Variants in PPFIA1 observed in about 807,000 individuals in gnomAD.
The protein encoded by PPFIA1 is liprin-alpha-1.
Under a neutral mutation model 149.9 loss-of-function variants are expected in PPFIA1, and 25 were observed. The ratio of observed to expected loss-of-function variants is 0.17; its 90% CI spans 0.12 to 0.23. The LOEUF (loss-of-function observed/expected upper bound fraction) is 0.23. Ranked by LOEUF, PPFIA1 falls within the 10% of genes least tolerant of loss-of-function variation. The pLI, the probability that PPFIA1 is intolerant of heterozygous loss-of-function variation, is 1.00. For synonymous variants in PPFIA1, 549 were observed against 552.8 expected (o/e 0.99, Z 0.10); for missense variants, 1,362 against 1,506.5 (o/e 0.90, Z 1.59).
intron 16 of PPFIA1, among the ~76,000 whole-genome samples, chr11:70,353,601 C>CA (rs1213682534): frequency 6.6e-6 from 1 of 151,868 alleles, no homozygotes; most frequent in East Asian, 1.9e-4. Flanking sequence ...ACTGCAAAAA[C>CA]AAAAAAACCC....
intron 24 of PPFIA1, chr11:70,375,361 C>T (rs1315513194): frequency 2.1e-5 from 6 of 288,558 alleles, no homozygotes; most frequent in African/African-American, 1.3e-4. Context: ...TTAGTTCTTA[C>T]ATGGAAAGAG....
chr11:70,368,457 G>A (rs1344104904), intron 21 of PPFIA1, among the ~76,000 whole-genome samples: 1 of 152,126 alleles, frequency 6.6e-6, no homozygotes, highest in Non-Finnish European at 1.5e-5. Context: ...ATACCATAAG[G>A]TAGCTATGAC....
rs550470172 is a variant in PPFIA1, at chr11:70,278,229, G to A, written c.264+5793G>A. ...TGGCCTTTTTTTTTTTAAATGTGAT[G>A]TTTCACCATGTTTGCCAGGCTGGGG... On this transcript the variant is annotated intron_variant, in intron 2 of 27. Transcript: ENST00000253925. Among the ~76,000 whole-genome samples, 8 of 151,632 alleles carry A rather than the reference G, an allele frequency of 5.3e-5. No homozygotes were observed. The South Asian group carries it at 1.7e-3, about 32-fold the overall frequency.
At chr11:70,272,976 G>C (rs1396628931) in intron 2 of PPFIA1, among the ~76,000 whole-genome samples, 1 of 152,226 alleles carries the variant, frequency 6.6e-6, no homozygotes, top group Non-Finnish European at 1.5e-5. Context: ...TTCCTTGGCA[G>C]ATGAGAATTT....
intron 23 of PPFIA1, 43 bp downstream of exon 23, chr11:70,372,617 C>G (rs2057320647): frequency 2.0e-6 from 3 of 1,513,582 alleles, no homozygotes; most frequent in Non-Finnish European, 1.8e-6. Flanking sequence ...CTCCTACTTG[C>G]TGGTGTGTTT....
intron 2 of PPFIA1, among the ~76,000 whole-genome samples, chr11:70,288,398 G>A (rs920168647): frequency 2.6e-5 from 4 of 152,050 alleles, no homozygotes; most frequent in Admixed American, 1.3e-4. Context: ...TCCCTTCGAG[G>A]CTCACAATTC....
chr11:70,378,273 A>G, intron 26 of PPFIA1, 78 bp downstream of exon 26: 1 of 1,517,250 alleles, frequency 6.6e-7, no homozygotes, highest in Non-Finnish European at 8.9e-7. Flanking sequence ...ATAATGATCT[A>G]AAACGGCCTA....
chr11:70,374,915 C>T lies in PPFIA1; in HGVS notation c.3140-3C>T. On this transcript the variant is annotated splice_region_variant and splice_polypyrimidine_tract_variant and intron_variant, in intron 23 of 27. Transcript: ENST00000253925. ...TTTTATAATTGTCTTTATTCTTTTG[C>T]AGACGTGCTTGTTTGGAGCAATGAT... 1 of 1,610,182 alleles carries T rather than the reference C, an allele frequency of 6.2e-7. No homozygotes were observed.
Position 70,277,063 on chromosome 11 carries a change from T to A in PPFIA1, c.264+4627T>A, listed in dbSNP as rs1443519387. Among the ~76,000 whole-genome samples, 14 of 131,230 alleles carry A rather than the reference T, an allele frequency of 1.1e-4. No homozygotes were observed. The South Asian group carries it at 1.7e-3, about 16-fold the overall frequency. 86.1% of individuals were successfully genotyped at this position (131,230 alleles called of 152,430 possible). On this transcript the variant is annotated intron_variant, in intron 2 of 27. Transcript: ENST00000253925. ...ATATATATATATATATATATATATT[T>A]TTTTTTTTCCAGGCACAGTCTCATT... is the stretch of plus-strand genomic sequence containing the variant.
chr11:70,343,585 G>T (rs1565422302), intron 14 of PPFIA1, 84 bp from the exon 15 acceptor site: 1 of 1,264,192 alleles, frequency 7.9e-7, no homozygotes, highest in Middle Eastern at 1.9e-4. Flanking sequence ...TTTCATTAAA[G>T]AATTCCTAAA....
At chr11:70,367,249 C>T (rs1262896523) in intron 21 of PPFIA1, among the ~76,000 whole-genome samples, 1 of 152,212 alleles carries the variant, frequency 6.6e-6, no homozygotes, top group Non-Finnish European at 1.5e-5. Context: ...TCCCTCCTTC[C>T]TGTCTTCCAG....
chr11:70,285,730 C>T (rs1038702776), intron 2 of PPFIA1, among the ~76,000 whole-genome samples: 1 of 149,774 alleles, frequency 6.7e-6, no homozygotes, highest in Non-Finnish European at 1.5e-5. Context: ...AGGCACAGAA[C>T]AATGTGTACT....
intron 26 of PPFIA1, among the ~76,000 whole-genome samples, 162 bp from the exon 27 acceptor site, chr11:70,381,926 A>ATC (rs10635017): frequency 0.18 from 27,028 of 151,618 alleles, 3,160 homozygotes; most frequent in African/African-American, 0.32. Context: ...TGACACTTGG[A>ATC]TCTCTCTGGC....
At chr11:70,271,153 C>T (rs2050053066) in intron 1 of PPFIA1, 1 of 151,976 alleles carries the variant, frequency 6.6e-6, no homozygotes, top group African/African-American at 2.4e-5. Context: ...GCCCCGTGAC[C>T]CGGGCGCTGG....
chr11:70,286,968 T>A (rs184601528), intron 2 of PPFIA1, among the ~76,000 whole-genome samples: 1 of 143,084 alleles, frequency 7.0e-6, no homozygotes, highest in Non-Finnish European at 1.5e-5. Flanking sequence ...TATATACATA[T>A]ACACATATAT....
chr11:70,300,433 G>T (rs1442611773), intron 2 of PPFIA1, among the ~76,000 whole-genome samples: 1 of 151,916 alleles, frequency 6.6e-6, no homozygotes, highest in Non-Finnish European at 1.5e-5. Flanking sequence ...ACAGTGGCCC[G>T]ATCTGGGCTC....
chr11:70,314,673 G>A (rs1377138335), intron 2 of PPFIA1, among the ~76,000 whole-genome samples: 6 of 152,050 alleles, frequency 3.9e-5, no homozygotes, highest in South Asian at 4.2e-4. Context: ...ATGGAAATGC[G>A]GTTCTGTACT....
chr11:70,315,435 T>C (rs1279672833), intron 2 of PPFIA1, among the ~76,000 whole-genome samples: 1 of 152,192 alleles, frequency 6.6e-6, no homozygotes, highest in East Asian at 1.9e-4. Flanking sequence ...AGCATACTTT[T>C]AATCGTGGCA....
intron 4 of PPFIA1, 126 bp downstream of exon 4, chr11:70,325,137 CAG>C: frequency 1.0e-6 from 1 of 957,764 alleles, no homozygotes; most frequent in Non-Finnish European, 1.5e-6. Flanking sequence ...TCTAAGAAGA[CAG>C]GGTTTTGTAG....
Sources: gnomAD v4.1 joint callset for allele counts (sites outside exome capture counted in the v4.1 genomes callset) on GRCh38, gnomAD v4.1.1 for gene constraint, MANE v1.5 for transcripts, NCBI Gene and HGNC (gene_info 2026-07-23, HGNC 2026-07-21) for gene names.